The following DGKG variants were observed in gnomAD, a reference collection of about 807,000 sequenced individuals.
DGKG encodes the protein diacylglycerol kinase gamma.
A neutral mutation model predicts 105.3 loss-of-function variants in DGKG; 78 were observed. The ratio of observed to expected loss-of-function variants is 0.74; its 90% CI spans 0.62 to 0.89. The LOEUF is 0.89. Ranked by LOEUF, DGKG falls within the 40% of genes least tolerant of loss-of-function variation. The pLI is 0.00. For synonymous variants in DGKG, 346 were observed against 367.1 expected, an observed-to-expected ratio of 0.94 and a Z score of 0.66; for missense variants, 958 against 1,020.1, an observed-to-expected ratio of 0.94 and a Z score of 0.83.
At chr3:186,157,690 T>C (rs1716102304) in intron 24 of DGKG, among the ~76,000 whole-genome samples, 1 of 152,202 alleles carries the variant, frequency 6.6e-6, no homozygotes, top group Non-Finnish European at 1.5e-5. Context: ...TCAAGATGAT[T>C]GTATATTTTG....
intron 1 of DGKG, among the ~76,000 whole-genome samples, chr3:186,341,295 C>G (rs1726073955): frequency 6.6e-6 from 1 of 152,176 alleles, no homozygotes; most frequent in African/African-American, 2.4e-5. Context: ...GAAGGACTTG[C>G]ATCTACTAAG....
chr3:186,272,804 C>T (rs1320257083), intron 10 of DGKG, among the ~76,000 whole-genome samples: 4 of 151,028 alleles, frequency 2.6e-5, no homozygotes, highest in South Asian at 2.1e-4. Flanking sequence ...CTGCAACCTC[C>T]GCCTCCCGGG....
At chr3:186,298,331 A>G in intron 3 of DGKG, 102 bp from the exon 4 acceptor site, 1 of 1,149,554 alleles carries the variant, frequency 8.7e-7, no homozygotes, top group Non-Finnish European at 1.2e-6. Flanking sequence ...AAAGGAATGG[A>G]AAGGGAGGCA....
chr3:186,298,129 T>C lies in DGKG; in HGVS notation c.245A>G (p.Lys82Arg). Reference sequence around the variant, plus strand: ...GTGGTCAGAGGTCTCGTGTCTGGGCTTCTGGCTGAAGGCCAGGAAGAGGTG... The same window carrying C: ...GTGGTCAGAGGTCTCGTGTCTGGGCCTCTGGCTGAAGGCCAGGAAGAGGTG... Reference protein sequence around the residue: ...STHLFLAFSQKPRHETSDHPT... With the variant: ...STHLFLAFSQRPRHETSDHPT... The change falls in exon 4 of 25, where the codon AAG becomes AGG. Residue 82 changes from lysine to arginine, a missense_variant. Physicochemically the swap from Lys to Arg is conservative, Grantham distance 26. This residue lies in a region of DGKG where 643 missense variants were observed against 619.5 expected (regional missense o/e 1.04). Coordinates refer to ENST00000265022, the MANE Select transcript of DGKG (RefSeq NM_001346.3). 6.2e-7 allele frequency: 1 copy of C among 1,614,172 alleles called. No individual in the cohort carries two copies. The highest frequency in any genetic ancestry group is 8.5e-7 in the Non-Finnish European group (1 of 1,180,030).
chr3:186,310,112 C>A (rs1373682425), intron 2 of DGKG, among the ~76,000 whole-genome samples: 2 of 148,936 alleles, frequency 1.3e-5, no homozygotes, highest in Non-Finnish European at 3.0e-5. Context: ...ACTAAAAATA[C>A]AAAAATTAGC....
At chr3:186,345,154 A>G (rs1726269260) in intron 1 of DGKG, among the ~76,000 whole-genome samples, 1 of 152,158 alleles carries the variant, frequency 6.6e-6, no homozygotes, top group Non-Finnish European at 1.5e-5. Flanking sequence ...TCCTCATTGT[A>G]TTATTTAATG....
chr3:186,279,903 T>A lies in DGKG; in HGVS notation c.740A>T (p.His247Leu), dbSNP rs1722751943. The A allele has an allele frequency of 1.2e-6, 2 of 1,614,172 alleles. No homozygotes were observed. The highest frequency in any genetic ancestry group is 4.5e-5 in the East Asian group (2 of 44,876). ...DGFVSLQEWV[H>L]GGMTTIPLLV... ...CAATGGGATGGTGGTCATCCCTCCA[T>A]GGACCCATTCCTGTAGAGACACAAA... Residue 247 changes from histidine (H) to leucine (L), a missense_variant, in exon 9 of 25, where the codon CAT becomes CTT. Physicochemically the swap from His to Leu is moderately conservative, Grantham distance 99. This residue lies in a region of DGKG where 643 missense variants were observed against 619.5 expected (regional missense o/e 1.04). Coordinates refer to ENST00000265022, the MANE Select transcript of DGKG (RefSeq NM_001346.3).
intron 9 of DGKG, among the ~76,000 whole-genome samples, chr3:186,277,509 C>T (rs541041665): frequency 5.9e-5 from 9 of 152,316 alleles, no homozygotes; most frequent in Middle Eastern, 3.4e-3. Flanking sequence ...CAGGGTTTTC[C>T]TGTATGGGTA....
intron 21 of DGKG, among the ~76,000 whole-genome samples, chr3:186,202,674 T>C (rs943161365): frequency 6.6e-6 from 1 of 152,206 alleles, no homozygotes; most frequent in African/African-American, 2.4e-5. Flanking sequence ...AGAAGACATA[T>C]GCTTCCTGGG....
intron 2 of DGKG, among the ~76,000 whole-genome samples, chr3:186,318,200 T>G (rs1407526441): frequency 1.3e-5 from 2 of 152,108 alleles, no homozygotes; most frequent in Non-Finnish European, 2.9e-5. Flanking sequence ...GCCCACACTT[T>G]GACACACAAG....
intron 22 of DGKG, among the ~76,000 whole-genome samples, chr3:186,169,774 C>T (rs1716734004): frequency 6.6e-6 from 1 of 152,208 alleles, no homozygotes; most frequent in South Asian, 2.1e-4. Flanking sequence ...TGCTCCTCCT[C>T]AAACCCTCCC....
intron 19 of DGKG, among the ~76,000 whole-genome samples, chr3:186,248,860 AAC>A (rs1228315427): frequency 6.6e-6 from 1 of 152,176 alleles, no homozygotes; most frequent in Non-Finnish European, 1.5e-5. Context: ...CTTCTTACAA[AAC>A]ACAAATGGAT....
chr3:186,351,689 G>A (rs1726637041), intron 1 of DGKG, among the ~76,000 whole-genome samples: 2 of 152,248 alleles, frequency 1.3e-5, no homozygotes, highest in Non-Finnish European at 2.9e-5. Flanking sequence ...GTGGTAGACA[G>A]TGGATGTAAG....
Position 186,322,903 on chromosome 3 carries a change from C to T in DGKG, c.-248-2196G>A, listed in dbSNP as rs1048919165. On this transcript the variant is annotated intron_variant, in intron 1 of 24. Transcript: ENST00000265022. ...GTCAGAGGCAGGAGGCTCAGCTAAG[C>T]TCCTCCCCTTTTCTCTCCTGCCAAA... Among the ~76,000 whole-genome samples the T allele has an allele frequency of 2.0e-5, 3 of 152,180 alleles. No individual in the cohort carries two copies. In the South Asian group the frequency reaches 6.2e-4, roughly 31 times the overall value.
chr3:186,148,190 T>C lies in DGKG; in HGVS notation c.*1900A>G. 1 of 985,470 alleles carries C rather than the reference T, an allele frequency of 1.0e-6. No homozygotes were observed. The highest frequency in any genetic ancestry group is 1.2e-6 in the Non-Finnish European group (1 of 829,972). The allele number at this position is 985,470 out of a possible 1,614,324, so 61.0% of individuals were successfully genotyped here. ...CCTTGCCCTTGGGAAAGGATGGTAA[T>C]GCTGGCACTTGCTGAATGAAGCCCA... On this transcript the variant is annotated 3_prime_UTR_variant, in exon 25 of 25. Coordinates refer to ENST00000265022, the MANE Select transcript of DGKG (RefSeq NM_001346.3).
At chr3:186,287,216 C>G (rs1271208995) in intron 6 of DGKG, among the ~76,000 whole-genome samples, 3 of 151,930 alleles carry the variant, frequency 2.0e-5, no homozygotes, top group African/African-American at 7.3e-5. Context: ...TGAATACTGA[C>G]TATTTGATAA....
rs202197065 is a variant in DGKG at position 186,298,219 on chromosome 3, T to C, written c.155A>G (p.Tyr52Cys). 1.9e-6 allele frequency: 3 copies of C among 1,599,524 alleles called. No individual in the cohort carries two copies. Among genetic ancestry groups the C allele is most frequent in the Non-Finnish European group, 2.6e-6 (3 of 1,173,254 alleles). Residue 52 changes from tyrosine (Y) to cysteine (C), a missense_variant, in exon 4 of 25, where the codon TAT (tyrosine) becomes TGT (cysteine). By Grantham distance (194) the Tyr-to-Cys change is radical. This residue lies in a region of DGKG where 643 missense variants were observed against 619.5 expected (regional missense o/e 1.04). Transcript: ENST00000265022. ...CCTCATGAACAGCTTGAAGACATCA[T>C]AGCTAATCGGCTGAGAAGGGGCAAA... is the stretch of plus-strand genomic sequence containing the variant. ...KQYDPHEPISYDVFKLFMRAY... is the reference protein window; with the variant it reads ...KQYDPHEPISCDVFKLFMRAY...
At chr3:186,356,049 A>G (rs1011386065) in intron 1 of DGKG, among the ~76,000 whole-genome samples, 2 of 152,258 alleles carry the variant, frequency 1.3e-5, no homozygotes, top group African/African-American at 2.4e-5. Flanking sequence ...GGAGTTTATC[A>G]GAGACCTTTG....
chr3:186,343,590 T>G (rs1726188913), intron 1 of DGKG, among the ~76,000 whole-genome samples: 1 of 152,214 alleles, frequency 6.6e-6, no homozygotes, highest in Non-Finnish European at 1.5e-5. Flanking sequence ...TGGACTATCT[T>G]ATTTTTATTA....
Sources: allele counts gnomAD v4.1 joint callset (sites outside exome capture counted in the v4.1 genomes callset), GRCh38; gene constraint gnomAD v4.1.1; regional missense constraint gnomAD v4.1.1; transcripts MANE v1.5; gene names NCBI Gene and HGNC (gene_info 2026-07-23, HGNC 2026-07-21).